The following CHD7 variants were observed in gnomAD, a reference collection of about 807,000 sequenced individuals.
CHD7 encodes ATP-dependent chromatin remodeler CHD7.
Under a neutral mutation model 307.3 loss-of-function variants are expected in CHD7, and 24 were observed. The ratio of observed to expected loss-of-function variants is 0.08; its 90% CI spans 0.06 to 0.11. The LOEUF (loss-of-function observed/expected upper bound fraction) is 0.11. Ranked by LOEUF, CHD7 falls within the 10% of genes least tolerant of loss-of-function variation. The pLI is 1.00. For missense variants in CHD7, 3,106 were observed against 3,727.1 expected (o/e 0.83, Z 4.34); for synonymous variants, 1,363 against 1,349.9 (o/e 1.01, Z -0.21).
At chr8:60,716,807 A>G (rs1459797712) in intron 1 of CHD7, among the ~76,000 whole-genome samples, 1 of 152,152 alleles carries the variant, frequency 6.6e-6, no homozygotes, top group Non-Finnish European at 1.5e-5. Context: ...CACAATACAT[A>G]TTTGTTGCTT....
At chr8:60,863,532 A>G (rs992498276) in intron 37 of CHD7, 14 of 152,154 alleles carry the variant, frequency 9.2e-5, no homozygotes, top group African/African-American at 3.1e-4. Context: ...GCTATAAGCA[A>G]TTGTGTACAG....
intron 1 of CHD7, among the ~76,000 whole-genome samples, chr8:60,717,018 A>G (rs1036223200): frequency 5.5e-5 from 8 of 144,274 alleles, no homozygotes; most frequent in African/African-American, 2.0e-4. Flanking sequence ...CCCTCTTGTT[A>G]CATCTACCTT....
intron 3 of CHD7, among the ~76,000 whole-genome samples, chr8:60,783,002 T>C (rs747635363): frequency 6.6e-6 from 1 of 152,174 alleles, no homozygotes; most frequent in Non-Finnish European, 1.5e-5. Context: ...TAGGAGTCTG[T>C]GTTCTAAAGA....
At chr8:60,782,556 AC>A (rs2150672678) in intron 3 of CHD7, among the ~76,000 whole-genome samples, 1 of 152,276 alleles carries the variant, frequency 6.6e-6, no homozygotes, top group South Asian at 2.1e-4. Context: ...TGCCCTCAAC[AC>A]CTTTTATGGT....
chr8:60,844,718 C>T, intron 21 of CHD7, 146 bp from the exon 22 acceptor site: 1 of 634,530 alleles, frequency 1.6e-6, no homozygotes, highest in East Asian at 2.8e-5. Flanking sequence ...GTTTTTAACT[C>T]TTGCACCCTG....
At chr8:60,710,400 C>T (rs1047176528) in intron 1 of CHD7, among the ~76,000 whole-genome samples, 7 of 152,042 alleles carry the variant, frequency 4.6e-5, no homozygotes, top group Non-Finnish European at 8.8e-5. Context: ...CTCAAGACAC[C>T]CCATTTAGCT....
At chr8:60,818,721 A>T (rs1803874413) in intron 8 of CHD7, among the ~76,000 whole-genome samples, 1 of 152,236 alleles carries the variant, frequency 6.6e-6, no homozygotes. Flanking sequence ...CCGAATAGCC[A>T]GAGAAAGTTT....
chr8:60,743,047 C>G lies in CHD7; in HGVS notation c.1615C>G (p.Gln539Glu). 1 of 1,613,970 alleles carries G rather than the reference C, an allele frequency of 6.2e-7. No homozygotes were observed. The highest frequency in any genetic ancestry group is 8.5e-7 in the Non-Finnish European group (1 of 1,179,876). ...ACACCCTCATCACCAGCCTTGGGCA[C>G]AGCTCCACCCATCACCCCAGAACAC... ...PPHPHHQPWAQLHPSPQNTPQ... is the reference protein window; with the variant it reads ...PPHPHHQPWAELHPSPQNTPQ... Residue 539 changes from glutamine to glutamate, a missense_variant, in exon 2 of 38, where the codon CAG (glutamine) becomes GAG (glutamate). Around this residue, in one of 10 missense-constraint regions of CHD7, gnomAD observed 998 missense variants for 1,004.5 expected, o/e 0.99. Transcript: ENST00000423902.
chr8:60,866,195 TCTG>T lies in CHD7; in HGVS notation c.*265_*267del, dbSNP rs776103893. On this transcript the variant is annotated 3_prime_UTR_variant, in exon 38 of 38. Coordinates refer to ENST00000423902, the MANE Select transcript of CHD7 (RefSeq NM_017780.4). ...CTTTTTAAGGAAACTTACATAATGC[TCTG>T]CTTTTTTTTTTTCTCTTGGTACCAT... 46 of 327,250 alleles carry T rather than the reference TCTG, an allele frequency of 1.4e-4. No homozygotes were observed. In the Middle Eastern group the frequency reaches 2.5e-3, roughly 18 times the overall value. The allele number at this position is 327,250 out of a possible 1,614,324, so 20.3% of individuals were successfully genotyped here.
In CHD7 at chr8:60,852,130, G is replaced by A. The variant is rs770379195; in HGVS notation, c.5777G>A (p.Arg1926Lys). The A allele has an allele frequency of 6.2e-7, 1 of 1,614,002 alleles. No individual in the cohort carries two copies. The highest frequency in any genetic ancestry group is 8.5e-7 in the Non-Finnish European group (1 of 1,179,886). The stretch of plus-strand genomic sequence containing the variant: ...ACTGCCTATCAGCGCAGCTATAAAA[G>A]GCAACAGATGAGGCAAGAGGCCCTA... ...LITAYQRSYKRQQMRQEALMK... is the reference protein window; with the variant it reads ...LITAYQRSYKKQQMRQEALMK... Residue 1926 changes from arginine to lysine, a missense_variant, in exon 29 of 38, where the codon AGG becomes AAG. By Grantham distance (26) the Arg-to-Lys change is conservative (BLOSUM62 2). Coordinates refer to ENST00000423902, the MANE Select transcript of CHD7 (RefSeq NM_017780.4).
At chr8:60,814,541 G>A (rs1237113040) in intron 7 of CHD7, among the ~76,000 whole-genome samples, 1 of 152,152 alleles carries the variant, frequency 6.6e-6, no homozygotes, top group African/African-American at 2.4e-5. Context: ...CACCTCTGGG[G>A]TTCAAGCAAT....
intron 1 of CHD7, among the ~76,000 whole-genome samples, chr8:60,736,502 GT>G (rs1337857536): frequency 6.6e-6 from 1 of 152,100 alleles, no homozygotes; most frequent in Non-Finnish European, 1.5e-5. Flanking sequence ...GTGATGTGCT[GT>G]TTTTTTAGCT....
chr8:60,852,866 A>G lies in CHD7; in HGVS notation c.6141A>G (p.Thr2047=). 6.2e-7 allele frequency: 1 copy of G among 1,613,882 alleles called. No individual in the cohort carries two copies. ...TCTCCTCCATAATTGAGCCGATCAC[A>G]GAGGAGCGAGCCTCTCGAACTCTGT... is the stretch of plus-strand genomic sequence containing the variant. ...PDLSSIIEPI[T]EERASRTLYR... Residue 2047 remains threonine (T), a synonymous_variant, in exon 31 of 38, where the codon ACA becomes ACG. Transcript: ENST00000423902.
At chr8:60,755,101 A>G (rs1809828394) in intron 2 of CHD7, among the ~76,000 whole-genome samples, 1 of 152,168 alleles carries the variant, frequency 6.6e-6, no homozygotes, top group African/African-American at 2.4e-5. Flanking sequence ...TATGAAGGCT[A>G]TCCCACTTAA....
chr8:60,845,079 G>A lies in CHD7; in HGVS notation c.5050+16G>A. The A allele has an allele frequency of 3.7e-6, 6 of 1,612,762 alleles. No homozygotes were observed. The highest frequency in any genetic ancestry group is 5.1e-6 in the Non-Finnish European group (6 of 1,179,220). ...AACCATTCCGGTAGGTCTCCACCAT[G>A]CTGTTTGTGCTACAGGGTCACAAAG... On this transcript the variant is annotated intron_variant, in intron 22 of 37. Transcript: ENST00000423902.
intron 4 of CHD7, among the ~76,000 whole-genome samples, chr8:60,795,771 T>C (rs1811999403): frequency 6.6e-6 from 1 of 152,186 alleles, no homozygotes; most frequent in African/African-American, 2.4e-5. Flanking sequence ...CCTTCACTGA[T>C]TGGACTGAGA....
At chr8:60,810,359 A>T (rs1169267653) in intron 7 of CHD7, among the ~76,000 whole-genome samples, 1 of 149,866 alleles carries the variant, frequency 6.7e-6, no homozygotes, top group African/African-American at 2.5e-5. Flanking sequence ...CTCTCAGTGG[A>T]TAGGACTGGG....
chr8:60,756,312 A>G (rs1809889607), intron 2 of CHD7, among the ~76,000 whole-genome samples: 1 of 152,194 alleles, frequency 6.6e-6, no homozygotes, highest in African/African-American at 2.4e-5. Flanking sequence ...CTTGTGATGT[A>G]GTGATAGGAT....
At chr8:60,793,425 CAAAAT>C (rs1187952704) in intron 3 of CHD7, among the ~76,000 whole-genome samples, 2 of 151,698 alleles carry the variant, frequency 1.3e-5, no homozygotes, top group African/African-American at 2.4e-5. Flanking sequence ...AAAATGTTAA[CAAAAT>C]AAAACTCTGA....
Sources: gnomAD v4.1 joint callset for allele counts (sites outside exome capture counted in the v4.1 genomes callset) on GRCh38, gnomAD v4.1.1 for gene constraint, gnomAD v4.1.1 regional missense constraint, MANE v1.5 for transcripts, NCBI Gene and HGNC (gene_info 2026-07-23, HGNC 2026-07-21) for gene names.